The following RAPGEF1 variants were observed in gnomAD, a reference collection of about 807,000 sequenced individuals.
RAPGEF1 encodes CRK SH3-binding GNRP.
A neutral mutation model predicts 143.3 loss-of-function variants in RAPGEF1; 33 were observed. That is an observed-to-expected ratio of 0.23 (90% CI 0.17 to 0.31). The LOEUF (loss-of-function observed/expected upper bound fraction) is 0.31. RAPGEF1 is among the 10% of genes least tolerant of loss of function. The pLI, the probability that RAPGEF1 is intolerant of heterozygous loss-of-function variation, is 1.00. For missense variants in RAPGEF1, 1,199 were observed against 1,645.4 expected (o/e 0.73, Z 4.69); for synonymous variants, 629 against 676.5 (o/e 0.93, Z 1.09).
At chr9:131,649,563 G>A (rs1322124337) in intron 3 of RAPGEF1, among the ~76,000 whole-genome samples, 1 of 151,920 alleles carries the variant, frequency 6.6e-6, no homozygotes, top group Non-Finnish European at 1.5e-5. Context: ...TTCCTTTTTG[G>A]CAAAATAACT....
At chr9:131,581,537 C>T (rs1372422112) in intron 25 of RAPGEF1, among the ~76,000 whole-genome samples, 2 of 145,932 alleles carry the variant, frequency 1.4e-5, no homozygotes, top group Admixed American at 6.8e-5. Flanking sequence ...AAAAAAAATA[C>T]AAAAAAAAAA....
At chr9:131,648,988 ATC>A in intron 3 of RAPGEF1, among the ~76,000 whole-genome samples, 1 of 152,260 alleles carries the variant, frequency 6.6e-6, no homozygotes, top group South Asian at 2.1e-4. Context: ...GATTAAGAAT[ATC>A]TGTCTACAAG....
At chr9:131,617,065 C>T (rs969968578) in intron 12 of RAPGEF1, among the ~76,000 whole-genome samples, 16 of 152,282 alleles carry the variant, frequency 1.1e-4, no homozygotes, top group South Asian at 4.1e-4. Flanking sequence ...AAAACTATGA[C>T]GTACTCATAA....
At chr9:131,586,232 A>ACC (rs1439767475) in intron 22 of RAPGEF1, among the ~76,000 whole-genome samples, 2 of 147,164 alleles carry the variant, frequency 1.4e-5, no homozygotes, top group African/African-American at 5.1e-5. Context: ...ACACACACAC[A>ACC]CCTGCAGAGC....
intron 4 of RAPGEF1, among the ~76,000 whole-genome samples, chr9:131,642,968 A>G (rs534211019): frequency 2.0e-5 from 3 of 152,290 alleles, no homozygotes; most frequent in African/African-American, 7.2e-5. Flanking sequence ...GGCTTGACGC[A>G]GTTAAGTTCT....
In RAPGEF1 at chr9:131,629,257, G is replaced by A. The variant is rs566556755; in HGVS notation, c.741-3C>T. Reference sequence around the variant, plus strand: ...CTGTCAGGGGGAGCTCTGCTGGGCTGGAGAATTGGGAAGAACTTGGGGTTA... The same window carrying A: ...CTGTCAGGGGGAGCTCTGCTGGGCTAGAGAATTGGGAAGAACTTGGGGTTA... On this transcript the variant is annotated splice_polypyrimidine_tract_variant and splice_region_variant and intron_variant, in intron 6 of 26. Transcript: ENST00000683357. 328 of 1,612,424 alleles carry A rather than the reference G, an allele frequency of 2.0e-4. 3 individuals carry two copies. The South Asian group carries it at 3.3e-3, about 16-fold the overall frequency.
chr9:131,672,820 G>T (rs1831630801), intron 1 of RAPGEF1, among the ~76,000 whole-genome samples: 7 of 151,972 alleles, frequency 4.6e-5, no homozygotes, highest in Admixed American at 4.6e-4. Flanking sequence ...GTAAGAGGGG[G>T]TGACCACCAG....
rs374422842 is a variant in RAPGEF1, at chr9:131,684,425, A to C, written c.62-33476T>G. On this transcript the variant is annotated intron_variant, in intron 1 of 26. Coordinates refer to ENST00000683357, the MANE Select transcript of RAPGEF1 (RefSeq NM_001377935.1). ...CCAAGCTCTAGCTACATTTTTCTCT[A>C]TGTGGAATATTAAAGATATTACTAG... Among the ~76,000 whole-genome samples, 32 of 152,276 alleles carry C rather than the reference A, an allele frequency of 2.1e-4. No homozygotes were observed. In the East Asian group the frequency reaches 6.0e-3, roughly 28 times the overall value.
intron 1 of RAPGEF1, among the ~76,000 whole-genome samples, chr9:131,739,481 T>C (rs1301142585): frequency 6.6e-6 from 1 of 151,820 alleles, no homozygotes; most frequent in African/African-American, 2.4e-5. Flanking sequence ...CGAGCCATTT[T>C]CGGAAGTTCC....
chr9:131,592,161 T>C lies in RAPGEF1; in HGVS notation c.2712A>G (p.Ala904=), dbSNP rs2132291477. The stretch of plus-strand genomic sequence containing the variant: ...TGAAGGTCCTGTAGGTGGTCAGGAA[T>C]GCCTCGCAGTACAACACCAAATCTA... The part of the protein sequence containing the change: ...DRKDLVLYCE[A]FLTTYRTFIS... Residue 904 remains alanine (A), a synonymous_variant, in exon 18 of 27, where the codon GCA becomes GCG. Coordinates refer to ENST00000683357, the MANE Select transcript of RAPGEF1 (RefSeq NM_001377935.1). 6.2e-7 allele frequency: 1 copy of C among 1,607,342 alleles called. No homozygotes were observed.
chr9:131,710,010 G>A (rs895072416), intron 1 of RAPGEF1: 11 of 922,784 alleles, frequency 1.2e-5, no homozygotes, highest in Admixed American at 1.2e-4. Flanking sequence ...GCACAACAGC[G>A]GCTTGCAAGA....
chr9:131,628,040 A>G lies in RAPGEF1; in HGVS notation c.1074T>C (p.Tyr358=). 2 of 1,565,894 alleles carry G rather than the reference A, an allele frequency of 1.3e-6. No homozygotes were observed. Among genetic ancestry groups the G allele is most frequent in the Non-Finnish European group, 1.7e-6 (2 of 1,155,896 alleles). The change falls in exon 9 of 27, where the codon TAT becomes TAC. Residue 358 remains tyrosine, a synonymous_variant. Coordinates refer to ENST00000683357, the MANE Select transcript of RAPGEF1 (RefSeq NM_001377935.1). This position sits in a 1 kb window ranked among gnomAD's most constrained non-coding sequence, Gnocchi z 5.7. ...GGGAGAGGCGGGGCGACTCTCCACCATATGAGTGGCTGCCTCCTGACAGTC... is the reference window on the plus strand; with the variant it reads ...GGGAGAGGCGGGGCGACTCTCCACCGTATGAGTGGCTGCCTCCTGACAGTC... ...QRRLSGGSHS[Y]GGESPRLSPC...
intron 22 of RAPGEF1, among the ~76,000 whole-genome samples, chr9:131,586,824 A>G (rs1953040282): frequency 8.7e-6 from 1 of 115,576 alleles, no homozygotes; most frequent in Non-Finnish European, 1.8e-5. Flanking sequence ...ACACCTGCAG[A>G]GCGAGACTCC....
intron 12 of RAPGEF1, among the ~76,000 whole-genome samples, chr9:131,616,772 G>A (rs1304588839): frequency 6.6e-6 from 1 of 152,228 alleles, no homozygotes; most frequent in African/African-American, 2.4e-5. Context: ...GGGCCGCTCT[G>A]ATAGTAATCC....
At chr9:131,619,524 T>C (rs1370681468) in intron 11 of RAPGEF1, among the ~76,000 whole-genome samples, 1 of 152,170 alleles carries the variant, frequency 6.6e-6, no homozygotes, top group Non-Finnish European at 1.5e-5. Context: ...GCTGCTCCTC[T>C]GTGGGGAGTG....
intron 1 of RAPGEF1, among the ~76,000 whole-genome samples, chr9:131,722,654 C>G (rs955840650): frequency 2.6e-5 from 4 of 152,236 alleles, no homozygotes; most frequent in Non-Finnish European, 5.9e-5. Context: ...CTGAAAGGCC[C>G]AGGTCCAAGA....
In RAPGEF1 at chr9:131,582,888, CT is replaced by C. The variant is rs112772284; in HGVS notation, c.3415-187del. Among the ~76,000 whole-genome samples the C allele has an allele frequency of 7.1e-3, 1,078 of 152,324 alleles. 14 individuals are homozygous for C. Among genetic ancestry groups the C allele is most frequent in the African/African-American group, 0.025 (1,038 of 41,558 alleles). ...GGCCCTGGCCAGCAGGGATTCTGTC[CT>C]TTTCAACGAGTGTCAGCCCAACCCC... On this transcript the variant is annotated intron_variant, in intron 24 of 26. Coordinates refer to ENST00000683357, the MANE Select transcript of RAPGEF1 (RefSeq NM_001377935.1).
chr9:131,610,308 G>C (rs942227538), intron 12 of RAPGEF1, among the ~76,000 whole-genome samples: 2 of 151,824 alleles, frequency 1.3e-5, no homozygotes, highest in Non-Finnish European at 2.9e-5. Context: ...CTGCTCATCA[G>C]CGGCTGAGGG....
Position 131,698,756 on chromosome 9 carries a change from AGGG to A in RAPGEF1, c.61+41011_61+41013del, listed in dbSNP as rs751472149. Among the ~76,000 whole-genome samples the A allele has an allele frequency of 1.5e-3, 233 of 152,282 alleles. 2 individuals carry two copies. Among genetic ancestry groups the A allele is most frequent in the Middle Eastern group, 3.4e-3 (1 of 294 alleles). ...ACCAGGTGAGCAACCCCACTACGGG[AGGG>A]ACCCTGGGCTAGCCTGCTGGAGGCC... On this transcript the variant is annotated intron_variant, in intron 1 of 26. Coordinates refer to ENST00000683357, the MANE Select transcript of RAPGEF1 (RefSeq NM_001377935.1).
Sources: allele counts gnomAD v4.1 joint callset (sites outside exome capture counted in the v4.1 genomes callset), GRCh38; gene constraint gnomAD v4.1.1; non-coding constraint Gnocchi (gnomAD v3.1); transcripts MANE v1.5; gene names NCBI Gene and HGNC (gene_info 2026-07-23, HGNC 2026-07-21).